KIAA0825: variants seen among roughly 807,000 people sequenced by gnomAD.
KIAA0825 encodes KIAA0825.
KIAA0825 carries 119 observed loss-of-function variants against 147.6 expected under a neutral mutation model. The ratio of observed to expected loss-of-function variants is 0.81; its 90% confidence interval spans 0.69 to 0.94. The LOEUF is 0.94. Ranked by LOEUF, KIAA0825 falls within the 40% of genes least tolerant of loss-of-function variation. KIAA0825 has a pLI of 0.00. For synonymous variants in KIAA0825, 470 were observed against 518.1 expected, an observed-to-expected ratio of 0.91 and a Z score of 1.26; for missense variants, 1,381 against 1,472.7, an observed-to-expected ratio of 0.94 and a Z score of 1.02.
At chr5:94,232,202 A>G (rs1216332546) in intron 20 of KIAA0825, among the ~76,000 whole-genome samples, 2 of 152,122 alleles carry the variant, frequency 1.3e-5, no homozygotes, top group African/African-American at 4.8e-5. Context: ...CACTAGTACA[A>G]ATATTAAAGA....
intron 20 of KIAA0825, among the ~76,000 whole-genome samples, chr5:94,275,723 G>A (rs897358851): frequency 3.9e-5 from 6 of 152,084 alleles, no homozygotes; most frequent in African/African-American, 1.4e-4. Flanking sequence ...CTCTCTATGG[G>A]TTCATATGGA....
At position 94,216,510 on chromosome 5, in the gene KIAA0825, A is replaced by G. The variant is rs1262496756; in HGVS notation, c.3711-62386T>C. On this transcript the variant is annotated intron_variant, in intron 20 of 20. Transcript: ENST00000682413. ...GGAGGAATCCAGGAGGAATAAAGTGATTAGCCTGTGATAAGAGGGGACAAA... is the reference window on the plus strand; with the variant it reads ...GGAGGAATCCAGGAGGAATAAAGTGGTTAGCCTGTGATAAGAGGGGACAAA... Among the ~76,000 whole-genome samples, 6 of 152,168 alleles carry G rather than the reference A, an allele frequency of 3.9e-5. No individual in the cohort carries two copies. In the East Asian group the frequency reaches 1.2e-3, roughly 29 times the overall value.
chr5:94,423,448 G>T (rs1441467742), intron 14 of KIAA0825, among the ~76,000 whole-genome samples: 1 of 152,110 alleles, frequency 6.6e-6, no homozygotes, highest in African/African-American at 2.4e-5. Flanking sequence ...TGCTTCAAAA[G>T]AAGGGTGGTT....
intron 20 of KIAA0825, among the ~76,000 whole-genome samples, chr5:94,211,455 A>G (rs532073802): frequency 6.6e-6 from 1 of 152,242 alleles, no homozygotes; most frequent in South Asian, 2.1e-4. Context: ...TGGTATCTGG[A>G]TTAGGGTCTC....
At chr5:94,154,260 T>C in intron 20 of KIAA0825, 136 bp from the exon 21 acceptor site, 1 of 654,578 alleles carries the variant, frequency 1.5e-6, no homozygotes, top group South Asian at 1.8e-5. Flanking sequence ...ACTGACTGCC[T>C]CTTGGGTAAT....
intron 5 of KIAA0825, among the ~76,000 whole-genome samples, chr5:94,502,847 G>A (rs964726072): frequency 1.3e-5 from 2 of 151,864 alleles, no homozygotes; most frequent in African/African-American, 4.8e-5. Flanking sequence ...GGTGGCTCAC[G>A]CCTACAATCC....
chr5:94,602,282 C>T (rs964856043), intron 1 of KIAA0825, among the ~76,000 whole-genome samples: 30 of 151,686 alleles, frequency 2.0e-4, no homozygotes, highest in African/African-American at 5.6e-4. Flanking sequence ...ACCTGGGAGG[C>T]GGAGCTTGCA....
chr5:94,416,974 C>A (rs1416778310), intron 15 of KIAA0825: 8 of 373,682 alleles, frequency 2.1e-5, no homozygotes, highest in Non-Finnish European at 3.9e-5. Flanking sequence ...AAAAGAAAAT[C>A]TTTTCCCTTC....
chr5:94,484,899 G>T lies in KIAA0825; in HGVS notation c.1002C>A (p.Asn334Lys), dbSNP rs1425747609. Residue 334 changes from asparagine to lysine, a missense_variant, in exon 6 of 21, where the codon AAC becomes AAA. Transcript: ENST00000682413. ...CGACTTTGTCTAAAGGGAGAGAGAAGTTTCTTCCTTTCTGTGGGCATTCAG... is the reference window on the plus strand; with the variant it reads ...CGACTTTGTCTAAAGGGAGAGAGAATTTTCTTCCTTTCTGTGGGCATTCAG... ...VTTECPQKGR[N>K]FSLPLDKVEF... is the part of the protein sequence containing the mutation. 1 of 1,522,504 alleles carries T rather than the reference G, an allele frequency of 6.6e-7. No individual in the cohort carries two copies. Among genetic ancestry groups the T allele is most frequent in the Non-Finnish European group, 8.9e-7 (1 of 1,127,416 alleles). 94.3% of individuals were successfully genotyped at this position (1,522,504 alleles called of 1,614,324 possible).
At chr5:94,221,552 C>T (rs747845478) in intron 20 of KIAA0825, among the ~76,000 whole-genome samples, 5 of 152,200 alleles carry the variant, frequency 3.3e-5, no homozygotes, top group South Asian at 2.1e-4. Flanking sequence ...AAGAATGAGG[C>T]GATGTTTTGT....
chr5:94,398,538 T>C (rs1253747821), intron 16 of KIAA0825, among the ~76,000 whole-genome samples: 2 of 152,226 alleles, frequency 1.3e-5, no homozygotes, highest in Non-Finnish European at 2.9e-5. Flanking sequence ...GTGAATTTAT[T>C]TGAGTATATT....
At chr5:94,557,410 T>G (rs1449063576) in intron 2 of KIAA0825, among the ~76,000 whole-genome samples, 1 of 151,008 alleles carries the variant, frequency 6.6e-6, no homozygotes, top group Non-Finnish European at 1.5e-5. Context: ...CTCCTTTCTT[T>G]TTTTTTTTTT....
chr5:94,159,461 T>C (rs1191046085), intron 20 of KIAA0825, among the ~76,000 whole-genome samples: 2 of 152,172 alleles, frequency 1.3e-5, no homozygotes, highest in African/African-American at 4.8e-5. Flanking sequence ...TGTCAAGTGG[T>C]TTCCTCAGAG....
intron 9 of KIAA0825, 35 bp downstream of exon 9, chr5:94,471,431 A>G: frequency 6.5e-7 from 1 of 1,542,232 alleles, no homozygotes; most frequent in Non-Finnish European, 8.8e-7. Context: ...CGTTTCTTTA[A>G]GCGTGGCCAT....
chr5:94,524,641 A>G (rs955516852), intron 3 of KIAA0825, among the ~76,000 whole-genome samples: 4 of 151,794 alleles, frequency 2.6e-5, no homozygotes, highest in African/African-American at 9.7e-5. Context: ...ACTACAAAAA[A>G]CAGAAACAAA....
At chr5:94,577,890 A>C (rs1781367587) in intron 2 of KIAA0825, among the ~76,000 whole-genome samples, 2 of 152,256 alleles carry the variant, frequency 1.3e-5, no homozygotes, top group African/African-American at 4.8e-5. Flanking sequence ...AAGCATGTAT[A>C]TTTAAAATTA....
At chr5:94,337,496 T>C (rs1483164735) in intron 20 of KIAA0825, among the ~76,000 whole-genome samples, 4 of 152,224 alleles carry the variant, frequency 2.6e-5, no homozygotes, top group Non-Finnish European at 5.9e-5. Flanking sequence ...TTGACACTTT[T>C]TAAAGAGCTT....
intron 20 of KIAA0825, among the ~76,000 whole-genome samples, chr5:94,187,359 GAA>G (rs575518336): frequency 8.9e-6 from 1 of 112,850 alleles, no homozygotes; most frequent in Non-Finnish European, 1.8e-5. Context: ...TGGAGGGAAG[GAA>G]AAAAAAAAAA....
In KIAA0825 at chr5:94,388,659, T is replaced by C. The variant is rs557295709; in HGVS notation, c.3457-2255A>G. On this transcript the variant is annotated intron_variant, in intron 18 of 20. Transcript: ENST00000682413. ...TTTCCACTATTCAAAAAAGAGAAACTGTTCTGTTGCAAATTGTGAAGAAAA... is the reference window on the plus strand; with the variant it reads ...TTTCCACTATTCAAAAAAGAGAAACCGTTCTGTTGCAAATTGTGAAGAAAA... Among the ~76,000 whole-genome samples the C allele has an allele frequency of 1.2e-4, 18 of 152,332 alleles. No homozygotes were observed. The South Asian group carries it at 1.4e-3, about 12-fold the overall frequency.
Sources: allele counts gnomAD v4.1 joint callset (sites outside exome capture counted in the v4.1 genomes callset), GRCh38; gene constraint gnomAD v4.1.1; transcripts MANE v1.5; gene names NCBI Gene and HGNC (gene_info 2026-07-23, HGNC 2026-07-21).